The following APCDD1 variants were observed in gnomAD, a reference collection of about 807,000 sequenced individuals.
The protein encoded by APCDD1 is APC down-regulated 1.
A neutral mutation model predicts 38.1 loss-of-function variants in APCDD1; 15 were observed. The observed-to-expected ratio is 0.39, with a 90% CI of 0.26 to 0.61. The LOEUF (loss-of-function observed/expected upper bound fraction) is 0.61, where lower values mean the gene tolerates loss of function less well. Ranked by LOEUF, APCDD1 falls within the 20% of genes least tolerant of loss-of-function variation. APCDD1 has a pLI of 0.49. For missense variants in APCDD1, 647 were observed against 696.2 expected, an observed-to-expected ratio of 0.93 and a Z score of 0.79; for synonymous variants, 261 against 279.7, an observed-to-expected ratio of 0.93 and a Z score of 0.67.
At chr18:10,474,286 GCCCA>G (rs2030937622) in intron 3 of APCDD1, 1 of 152,184 alleles carries the variant, frequency 6.6e-6, no homozygotes, top group South Asian at 2.1e-4. Flanking sequence ...AATTAAAACG[GCCCA>G]CAGATAATCC....
In APCDD1 at chr18:10,469,032, GC is replaced by G. The variant is rs1282921107; in HGVS notation, c.242+382del. ...AGCTCCGGATGGTCTAAATATTCTA[GC>G]CATATTCTGGTAATTTAATATATGG... is the stretch of plus-strand genomic sequence containing the variant. On this transcript the variant is annotated intron_variant, in intron 2 of 4. Coordinates refer to ENST00000355285, the MANE Select transcript of APCDD1 (RefSeq NM_153000.5). This position sits in a 1 kb window ranked among gnomAD's most constrained non-coding sequence, Gnocchi z 5.5. 6.6e-6 allele frequency among the ~76,000 whole-genome samples: 1 copy of G among 152,158 alleles called. No homozygotes were observed. The highest frequency in any genetic ancestry group is 6.5e-5 in the Admixed American group (1 of 15,282).
At chr18:10,482,327 G>A (rs1030734576) in intron 3 of APCDD1, among the ~76,000 whole-genome samples, 5 of 152,182 alleles carry the variant, frequency 3.3e-5, no homozygotes, top group African/African-American at 1.2e-4. Flanking sequence ...GGGGAATGGC[G>A]CAGAGGGGAG....
intron 1 of APCDD1, among the ~76,000 whole-genome samples, chr18:10,462,122 A>G (rs1291600602): frequency 6.6e-6 from 1 of 152,222 alleles, no homozygotes; most frequent in Non-Finnish European, 1.5e-5. Context: ...TATTGTGATT[A>G]ACCAACACTT....
chr18:10,473,937 T>C (rs975090737), intron 3 of APCDD1, among the ~76,000 whole-genome samples: 5 of 151,554 alleles, frequency 3.3e-5, no homozygotes, highest in African/African-American at 1.2e-4. Flanking sequence ...TTTTTTTTTT[T>C]TTTTTTTACG....
rs2030971698 is a variant in APCDD1, at chr18:10,475,589, A to T, written c.774+3528A>T. ...TCTGGGATTGTCGGACAGAGACTTC[A>T]CTTTTGGTACCTGTTGCATTTTGTG... On this transcript the variant is annotated intron_variant, in intron 3 of 4. Transcript: ENST00000355285. The surrounding 1 kb of genome is among the most constrained non-coding windows in gnomAD (Gnocchi z 4.0). 6.6e-6 allele frequency among the ~76,000 whole-genome samples: 1 copy of T among 151,936 alleles called. No individual in the cohort carries two copies. The highest frequency in any genetic ancestry group is 1.5e-5 in the Non-Finnish European group (1 of 67,980).
intron 4 of APCDD1, among the ~76,000 whole-genome samples, chr18:10,487,055 C>T (rs903209487): frequency 6.6e-6 from 1 of 152,218 alleles, no homozygotes; most frequent in African/African-American, 2.4e-5. Context: ...AATTTATTCA[C>T]TCACATTTTT....
intron 3 of APCDD1, among the ~76,000 whole-genome samples, chr18:10,479,777 C>T (rs2031091720): frequency 6.6e-6 from 1 of 152,132 alleles, no homozygotes; most frequent in Non-Finnish European, 1.5e-5. Flanking sequence ...GTACTTGAGC[C>T]TCCGAGACTC....
At position 10,471,698 on chromosome 18, in the gene APCDD1, C is replaced by T. The variant is rs776568911; in HGVS notation, c.411C>T (p.Ile137=). The change falls in exon 3 of 5, where the codon ATC becomes ATT. Residue 137 remains isoleucine (I), a synonymous_variant. Coordinates refer to ENST00000355285, the MANE Select transcript of APCDD1 (RefSeq NM_153000.5). The surrounding 1 kb of genome is among the most constrained non-coding windows in gnomAD (Gnocchi z 5.5). Reference sequence around the variant, plus strand: ...GCCTCCGCCAGGCCTCCTGGATCATCCGAGGGGGCACGGAAGCCGACTACC... The same window carrying T: ...GCCTCCGCCAGGCCTCCTGGATCATTCGAGGGGGCACGGAAGCCGACTACC... ...KIRLRQASWI[I]RGGTEADYQL... is the part of the protein sequence containing the mutation. 8.1e-6 allele frequency: 13 copies of T among 1,614,056 alleles called. No individual in the cohort carries two copies. Among genetic ancestry groups the T allele is most frequent in the East Asian group, 4.5e-5 (2 of 44,896 alleles).
chr18:10,486,941 A>G (rs2031261225), intron 4 of APCDD1, among the ~76,000 whole-genome samples: 1 of 152,216 alleles, frequency 6.6e-6, no homozygotes. Flanking sequence ...AAAGCAAGCA[A>G]TCTTTACTTG....
At chr18:10,466,842 G>A (rs2030728649) in intron 1 of APCDD1, among the ~76,000 whole-genome samples, 1 of 152,214 alleles carries the variant, frequency 6.6e-6, no homozygotes, top group South Asian at 2.1e-4. Context: ...GGCTGAGTGA[G>A]GTTGCCTTTA....
Position 10,472,780 on chromosome 18 carries a change from T to C in APCDD1, c.774+719T>C, listed in dbSNP as rs1205011781. On this transcript the variant is annotated intron_variant, in intron 3 of 4. Transcript: ENST00000355285. This position sits in a 1 kb window ranked among gnomAD's most constrained non-coding sequence, Gnocchi z 6.6. Reference sequence around the variant, plus strand: ...AGCAGGAAACAATTAAACCTTATAATGTCTTTTCCTTGAATGATATTCTAG... The same window carrying C: ...AGCAGGAAACAATTAAACCTTATAACGTCTTTTCCTTGAATGATATTCTAG... Among the ~76,000 whole-genome samples the C allele has an allele frequency of 1.3e-5, 2 of 152,224 alleles. No individual in the cohort carries two copies. The highest frequency in any genetic ancestry group is 2.4e-5 in the African/African-American group (1 of 41,464).
chr18:10,484,864 T>C (rs2031214623), intron 3 of APCDD1, among the ~76,000 whole-genome samples: 1 of 152,234 alleles, frequency 6.6e-6, no homozygotes, highest in African/African-American at 2.4e-5. Flanking sequence ...TTATTGTAAA[T>C]AACCCTGATG....
At position 10,485,709 on chromosome 18, in the gene APCDD1, T is replaced by C; in HGVS notation, c.1022T>C (p.Ile341Thr). 6.2e-7 allele frequency: 1 copy of C among 1,614,100 alleles called. No homozygotes were observed. Among genetic ancestry groups the C allele is most frequent in the Non-Finnish European group, 8.5e-7 (1 of 1,180,038 alleles). The change falls in exon 4 of 5, where the codon ATC becomes ACC. Residue 341 changes from isoleucine to threonine, a missense_variant. By Grantham distance (89) the Ile-to-Thr change is moderately conservative. Transcript: ENST00000355285. This position sits in a 1 kb window ranked among gnomAD's most constrained non-coding sequence, Gnocchi z 5.8. Reference protein sequence around the residue: ...DPVCKHPTFSIYARGRYSRGV... With the variant: ...DPVCKHPTFSTYARGRYSRGV... ...GTGTGCAAGCACCCCACCTTCTCCA[T>C]CTACGCCCGGGGCCGCTACAGCCGC...
intron 1 of APCDD1, among the ~76,000 whole-genome samples, chr18:10,455,903 G>A (rs527311413): frequency 1.3e-5 from 2 of 152,274 alleles, no homozygotes; most frequent in South Asian, 2.1e-4. Context: ...TCGTGTTGAT[G>A]TGGATGTCCT....
At chr18:10,457,596 G>A (rs1434701970) in intron 1 of APCDD1, among the ~76,000 whole-genome samples, 1 of 152,132 alleles carries the variant, frequency 6.6e-6, no homozygotes, top group African/African-American at 2.4e-5. Context: ...TTTGTTCTAT[G>A]GTGTTGGATG....
Position 10,487,638 on chromosome 18 carries a change from T to C in APCDD1, c.1145T>C (p.Leu382Pro). Reference sequence around the variant, plus strand: ...ATGGATGCGGCCACAGCCTCACTGCTCAACGTCTTCAACGGGAATGAGTGC... The same window carrying C: ...ATGGATGCGGCCACAGCCTCACTGCCCAACGTCTTCAACGGGAATGAGTGC... ...TPMDAATASL[L>P]NVFNGNECGA... Residue 382 changes from leucine (L) to proline (P), a missense_variant, in exon 5 of 5, where the codon CTC becomes CCC. Leu to Pro is a moderately conservative substitution (Grantham distance 98). Transcript: ENST00000355285. 6.2e-7 allele frequency: 1 copy of C among 1,614,156 alleles called. No homozygotes were observed. The highest frequency in any genetic ancestry group is 1.1e-5 in the South Asian group (1 of 91,086).
At chr18:10,481,190 A>G (rs546836525) in intron 3 of APCDD1, among the ~76,000 whole-genome samples, 1 of 152,204 alleles carries the variant, frequency 6.6e-6, no homozygotes, top group Non-Finnish European at 1.5e-5. Context: ...TGATCCACCT[A>G]TTCTCCTTCT....
chr18:10,477,078 G>A (rs538253249), intron 3 of APCDD1: 2 of 152,384 alleles, frequency 1.3e-5, no homozygotes, highest in Admixed American at 6.5e-5. Context: ...GCTCCTGGGT[G>A]GGTGGGCGGC....
chr18:10,464,364 A>G (rs1274781950), intron 1 of APCDD1, among the ~76,000 whole-genome samples: 3 of 151,912 alleles, frequency 2.0e-5, no homozygotes, highest in Admixed American at 6.6e-5. Context: ...ACACAAAAAC[A>G]TCTTTGTTAG....
Sources: gnomAD v4.1 joint callset for allele counts (sites outside exome capture counted in the v4.1 genomes callset) on GRCh38, gnomAD v4.1.1 for gene constraint, Gnocchi (gnomAD v3.1) non-coding constraint, MANE v1.5 for transcripts, NCBI Gene and HGNC (gene_info 2026-07-23, HGNC 2026-07-21) for gene names.